ZNF157: variants seen among roughly 807,000 people sequenced by gnomAD.
ZNF157 encodes zinc finger protein 157.
In ZNF157, 8 loss-of-function variants were observed where a neutral mutation model predicts 9.4. The ratio of observed to expected loss-of-function variants is 0.85; its 90% CI spans 0.50 to 1.53. The LOEUF (loss-of-function observed/expected upper bound fraction) is 1.53. ZNF157 is among the 40% of genes most tolerant of loss of function. The probability of loss-of-function intolerance (pLI) is 0.00; values close to 1 mark genes in which losing one functional copy is unlikely to be tolerated. For missense variants in ZNF157, 316 were observed against 385.2 expected (o/e 0.82, Z 1.50); for synonymous variants, 120 against 130.8 (o/e 0.92, Z 0.56).
At chrX:47,389,290 C>CT (rs766352746) in intron 1 of ZNF157, among the ~76,000 whole-genome samples, 1 of 109,153 alleles carries the variant, frequency 9.2e-6, no homozygotes, top group South Asian at 4.0e-4. Flanking sequence ...ACTGTGACCT[C>CT]TGACTCCTGG....
chrX:47,375,837 G>C (rs1221087408), intron 1 of ZNF157, among the ~76,000 whole-genome samples: 4 of 110,653 alleles, frequency 3.6e-5, no homozygotes, highest in African/African-American at 1.3e-4. Context: ...AGGACCACAG[G>C]CACATGCCAC....
chrX:47,372,053 G>T (rs2055830480), intron 1 of ZNF157, among the ~76,000 whole-genome samples: 2 of 111,504 alleles, frequency 1.8e-5, no homozygotes, highest in African/African-American at 6.5e-5. Flanking sequence ...TTTTTGTAGG[G>T]GTGTGATACT....
chrX:47,409,803 C>T (rs2055958339), intron 1 of ZNF157, among the ~76,000 whole-genome samples: 2 of 87,546 alleles, frequency 2.3e-5, no homozygotes, highest in South Asian at 1.3e-3. Flanking sequence ...ACCACCACAC[C>T]CAGCTAATTT....
At chrX:47,374,431 C>T (rs2055837540) in intron 1 of ZNF157, among the ~76,000 whole-genome samples, 1 of 99,751 alleles carries the variant, frequency 1.0e-5, no homozygotes, top group Non-Finnish European at 2.0e-5. Flanking sequence ...CAGAGTCTCA[C>T]TCTATCACCC....
chrX:47,390,729 G>C (rs1223746111), intron 1 of ZNF157: 1 of 112,432 alleles, frequency 8.9e-6, no homozygotes, highest in East Asian at 2.8e-4. Flanking sequence ...TTTTCCTCTT[G>C]AATTCCATTT....
chrX:47,391,558 T>C (rs907821407), intron 1 of ZNF157, among the ~76,000 whole-genome samples: 1 of 112,138 alleles, frequency 8.9e-6, no homozygotes, highest in Non-Finnish European at 1.9e-5. Flanking sequence ...CCCTCTCCTC[T>C]TCTGGAAAAA....
intron 1 of ZNF157, among the ~76,000 whole-genome samples, chrX:47,372,086 C>G (rs1401543378): frequency 9.0e-6 from 1 of 111,182 alleles, no homozygotes; most frequent in East Asian, 2.8e-4. Flanking sequence ...ATTGGTCTTT[C>G]CTGGCAAACA....
At chrX:47,408,366 C>T (rs2055953473) in intron 1 of ZNF157, among the ~76,000 whole-genome samples, 1 of 111,154 alleles carries the variant, frequency 9.0e-6, no homozygotes, top group Non-Finnish European at 1.9e-5. Flanking sequence ...ACCTCAGTCT[C>T]CCAAAGTGCT....
At chrX:47,411,885 C>G (rs1049731268) in intron 3 of ZNF157, among the ~76,000 whole-genome samples, 2 of 111,557 alleles carry the variant, frequency 1.8e-5, no homozygotes, top group African/African-American at 6.5e-5. Flanking sequence ...ACAAATACAT[C>G]ATATGTTTGA....
chrX:47,395,898 C>T (rs908936410), intron 1 of ZNF157, among the ~76,000 whole-genome samples: 4 of 110,970 alleles, frequency 3.6e-5, no homozygotes, highest in African/African-American at 9.8e-5. Context: ...CTTTGGAGGT[C>T]GAGGCTGCAG....
chrX:47,375,990 C>T (rs1818381526), intron 1 of ZNF157, among the ~76,000 whole-genome samples: 1 of 112,020 alleles, frequency 8.9e-6, no homozygotes, highest in African/African-American at 3.2e-5. Flanking sequence ...GCTATTATGC[C>T]AGGTCTAGTT....
chrX:47,411,457 C>T (rs769272605), intron 3 of ZNF157, among the ~76,000 whole-genome samples: 22 of 110,781 alleles, frequency 2.0e-4, no homozygotes, highest in Non-Finnish European at 3.0e-4. Flanking sequence ...CCGGTTTAAA[C>T]GACCTTTCCA....
intron 1 of ZNF157, among the ~76,000 whole-genome samples, chrX:47,395,399 A>T (rs1443873416): frequency 9.0e-6 from 1 of 111,662 alleles, no homozygotes; most frequent in Non-Finnish European, 1.9e-5. Context: ...AGCAACACCT[A>T]GATTAGTGTT....
At chrX:47,371,662 C>T (rs907350037) in intron 1 of ZNF157, among the ~76,000 whole-genome samples, 2 of 111,507 alleles carry the variant, frequency 1.8e-5, no homozygotes, top group Non-Finnish European at 3.8e-5. Context: ...GGCTGGACTG[C>T]AATGGCGTGA....
intron 1 of ZNF157, among the ~76,000 whole-genome samples, chrX:47,396,813 G>A (rs1340138014): frequency 8.9e-6 from 1 of 112,051 alleles, no homozygotes; most frequent in Non-Finnish European, 1.9e-5. Context: ...GGTTCCACAT[G>A]GCTGAGGAGG....
At chrX:47,406,924 C>T (rs1471189460) in intron 1 of ZNF157, among the ~76,000 whole-genome samples, 1 of 111,969 alleles carries the variant, frequency 8.9e-6, no homozygotes, top group Non-Finnish European at 1.9e-5. Flanking sequence ...TTGCCTTTTT[C>T]CTGATCTTCT....
At chrX:47,391,463 C>T (rs2055896777) in intron 1 of ZNF157, 2 of 112,266 alleles carry the variant, frequency 1.8e-5, no homozygotes, top group Admixed American at 9.5e-5. Context: ...ATCCAAAATG[C>T]TTTAATGAGC....
intron 3 of ZNF157, 78 bp from the exon 4 acceptor site, chrX:47,412,291 T>G: frequency 1.1e-6 from 1 of 889,059 alleles, no homozygotes; most frequent in East Asian, 3.3e-5. Context: ...GTTAAGGAGT[T>G]TAATTTTATA....
chrX:47,386,263 A>G (rs2055879188), intron 1 of ZNF157, among the ~76,000 whole-genome samples: 1 of 110,891 alleles, frequency 9.0e-6, no homozygotes, highest in Non-Finnish European at 1.9e-5. Context: ...CCAGAACAAT[A>G]GCACAATATC....
Sources: allele counts gnomAD v4.1 joint callset (sites outside exome capture counted in the v4.1 genomes callset), GRCh38; gene constraint gnomAD v4.1.1; transcripts MANE v1.5; gene names NCBI Gene and HGNC (gene_info 2026-07-23, HGNC 2026-07-21).